The following OPCML variants were observed in gnomAD, a reference collection of about 807,000 sequenced individuals.
The protein encoded by OPCML is opioid binding protein/cell adhesion molecule like, also known as opioid-binding protein/cell adhesion molecule.
In OPCML, 13 loss-of-function variants were observed where a neutral mutation model predicts 37.8. The ratio of observed to expected loss-of-function variants is 0.34; its 90% CI spans 0.22 to 0.55. OPCML has a LOEUF of 0.55. OPCML is among the 20% of genes least tolerant of loss of function. OPCML has a pLI of 0.91. For missense variants in OPCML, 341 were observed against 435.6 expected (o/e 0.78, Z 1.93); for synonymous variants, 176 against 168.8 (o/e 1.04, Z -0.33).
intron 2 of OPCML, among the ~76,000 whole-genome samples, chr11:132,844,672 T>C (rs1353111320): frequency 6.6e-6 from 1 of 152,202 alleles, no homozygotes; most frequent in Non-Finnish European, 1.5e-5. Flanking sequence ...CTTTGCAGGC[T>C]ATATATTCTC....
At chr11:132,809,657 T>C (rs1245816334) in intron 2 of OPCML, among the ~76,000 whole-genome samples, 2 of 152,086 alleles carry the variant, frequency 1.3e-5, no homozygotes, top group East Asian at 1.9e-4. Flanking sequence ...CTAAAAATTT[T>C]AATTAAAAAA....
chr11:133,450,161 CAATT>C (rs1661538000), intron 1 of OPCML, among the ~76,000 whole-genome samples: 1 of 151,758 alleles, frequency 6.6e-6, no homozygotes, highest in Non-Finnish European at 1.5e-5. Context: ...CTGCGATAGT[CAATT>C]AACCAACTTT....
rs1949785231 is a variant in OPCML, at chr11:133,140,868, C to CGAAGAA, written c.62-197859_62-197858insTTCTTC. ...ACGACGACGACGAAGAAGACGACGA[C>CGAAGAA]GACGAAGAAGACGACGACGACGACG... is the stretch of plus-strand genomic sequence containing the variant. On this transcript the variant is annotated intron_variant, in intron 1 of 7. Coordinates refer to ENST00000524381, the MANE Select transcript of OPCML (RefSeq NM_001012393.5). Among the ~76,000 whole-genome samples the CGAAGAA allele has an allele frequency of 7.8e-5, 4 of 51,454 alleles. 1 individual carries two copies. Among genetic ancestry groups the CGAAGAA allele is most frequent in the African/African-American group, 2.0e-4 (4 of 19,598 alleles). 33.8% of individuals were successfully genotyped at this position (51,454 alleles called of 152,430 possible).
At chr11:132,603,876 GTA>G (rs1202549748) in intron 3 of OPCML, among the ~76,000 whole-genome samples, 1 of 152,086 alleles carries the variant, frequency 6.6e-6, no homozygotes, top group Non-Finnish European at 1.5e-5. Context: ...CAATGATCTT[GTA>G]TCCTATAAGA....
intron 1 of OPCML, among the ~76,000 whole-genome samples, chr11:132,986,891 G>A (rs1946690522): frequency 6.6e-6 from 1 of 152,152 alleles, no homozygotes; most frequent in Admixed American, 6.5e-5. Flanking sequence ...TTCCAATAAT[G>A]AGTCTTGAAA....
In OPCML at chr11:133,289,179, T is replaced by C. The variant is rs540255742; in HGVS notation, c.61+243085A>G. Among the ~76,000 whole-genome samples, 213 of 152,330 alleles carry C rather than the reference T, an allele frequency of 1.4e-3. 2 individuals are homozygous for C. The highest frequency in any genetic ancestry group is 4.8e-3 in the African/African-American group (200 of 41,574). ...ATGGATTAGGTTGATACCATTTGTTTGTTAATTTGTTTTGGATAGTAAACC... is the reference window on the plus strand; with the variant it reads ...ATGGATTAGGTTGATACCATTTGTTCGTTAATTTGTTTTGGATAGTAAACC... On this transcript the variant is annotated intron_variant, in intron 1 of 7. Transcript: ENST00000524381.
chr11:133,185,852 C>T (rs1938046517), intron 1 of OPCML, among the ~76,000 whole-genome samples: 1 of 152,120 alleles, frequency 6.6e-6, no homozygotes, highest in Admixed American at 6.5e-5. Context: ...AACTTAAATA[C>T]AGGTATCTGA....
At chr11:132,860,248 C>G (rs975290989) in intron 2 of OPCML, among the ~76,000 whole-genome samples, 2 of 152,206 alleles carry the variant, frequency 1.3e-5, no homozygotes, top group Non-Finnish European at 2.9e-5. Flanking sequence ...AACTTAATAA[C>G]TTGCAGACAG....
intron 1 of OPCML, chr11:133,360,145 G>A (rs528511848): frequency 6.6e-6 from 1 of 152,206 alleles, no homozygotes; most frequent in Non-Finnish European, 1.5e-5. Flanking sequence ...TGCCCATCAG[G>A]ATGGGTTATC....
chr11:132,462,178 G>A (rs1276482491), intron 4 of OPCML, among the ~76,000 whole-genome samples: 1 of 152,142 alleles, frequency 6.6e-6, no homozygotes, highest in East Asian at 1.9e-4. Flanking sequence ...GTGTCCACTG[G>A]AGAATTACTT....
intron 2 of OPCML, among the ~76,000 whole-genome samples, chr11:132,813,553 C>T (rs1257715992): frequency 6.6e-6 from 1 of 152,192 alleles, no homozygotes; most frequent in African/African-American, 2.4e-5. Context: ...CTCCTCTCTT[C>T]TGTATCCCCA....
At chr11:132,719,004 G>C (rs1944586071) in intron 2 of OPCML, among the ~76,000 whole-genome samples, 1 of 152,218 alleles carries the variant, frequency 6.6e-6, no homozygotes. Context: ...GAGGCACAGA[G>C]AGGTGATCTC....
chr11:132,943,202 T>G lies in OPCML; in HGVS notation c.62-192A>C. ...TGCGGGGAGGAGGGAAGGGGCAGAGTTCGCCAGGAGCAGGGGGAAGGAGAA... is the reference window on the plus strand; with the variant it reads ...TGCGGGGAGGAGGGAAGGGGCAGAGGTCGCCAGGAGCAGGGGGAAGGAGAA... On this transcript the variant is annotated intron_variant, in intron 1 of 7. Coordinates refer to ENST00000524381, the MANE Select transcript of OPCML (RefSeq NM_001012393.5). This position sits in a 1 kb window ranked among gnomAD's most constrained non-coding sequence, Gnocchi z 4.3. 1 of 1,530,542 alleles carries G rather than the reference T, an allele frequency of 6.5e-7. No homozygotes were observed. Among genetic ancestry groups the G allele is most frequent in the South Asian group, 1.2e-5 (1 of 82,410 alleles). The allele number at this position is 1,530,542 out of a possible 1,614,324, so 94.8% of individuals were successfully genotyped here.
chr11:133,182,071 T>A (rs1937859648), intron 1 of OPCML, among the ~76,000 whole-genome samples: 1 of 152,198 alleles, frequency 6.6e-6, no homozygotes, highest in Non-Finnish European at 1.5e-5. Flanking sequence ...TCCCTTTAGG[T>A]GATTAACACC....
chr11:133,343,520 T>G (rs758689601), intron 1 of OPCML, among the ~76,000 whole-genome samples: 1 of 152,310 alleles, frequency 6.6e-6, no homozygotes, highest in South Asian at 2.1e-4. Context: ...AATTTGACTC[T>G]CAGAGGGGGC....
At chr11:132,774,128 A>T (rs1468837892) in intron 2 of OPCML, among the ~76,000 whole-genome samples, 1 of 152,192 alleles carries the variant, frequency 6.6e-6, no homozygotes, top group Non-Finnish European at 1.5e-5. Flanking sequence ...CATTTTGAAC[A>T]GACTGTACTC....
chr11:133,250,699 T>G (rs1245431311), intron 1 of OPCML, among the ~76,000 whole-genome samples: 1 of 152,184 alleles, frequency 6.6e-6, no homozygotes, highest in East Asian at 1.9e-4. Flanking sequence ...GAATACAGTG[T>G]TTACCAAGAA....
At chr11:132,792,574 G>A (rs549103699) in intron 2 of OPCML, among the ~76,000 whole-genome samples, 63 of 152,182 alleles carry the variant, frequency 4.1e-4, no homozygotes, top group African/African-American at 1.4e-3. Context: ...TTTTTGCTGC[G>A]CCATTTCCAT....
In OPCML at chr11:133,102,672, C is replaced by G. The variant is rs986387450; in HGVS notation, c.62-159662G>C. On this transcript the variant is annotated intron_variant, in intron 1 of 7. Coordinates refer to ENST00000524381, the MANE Select transcript of OPCML (RefSeq NM_001012393.5). ...GGCTGAGGCAGGAGAATGGAGTGAA[C>G]CCGGGAGGTGGAGCTTGCAGTGAGC... Among the ~76,000 whole-genome samples the G allele has an allele frequency of 2.0e-5, 3 of 152,068 alleles. 1 individual carries two copies. Among genetic ancestry groups the G allele is most frequent in the South Asian group, 4.2e-4 (2 of 4,816 alleles).
Sources: allele counts gnomAD v4.1 joint callset (sites outside exome capture counted in the v4.1 genomes callset), GRCh38; gene constraint gnomAD v4.1.1; non-coding constraint Gnocchi (gnomAD v3.1); transcripts MANE v1.5; gene names NCBI Gene and HGNC (gene_info 2026-07-23, HGNC 2026-07-21).